Variants in ZNF407 observed in about 807,000 individuals in gnomAD.
ZNF407 encodes zinc finger protein 407.
In ZNF407, 17 loss-of-function variants were observed where a neutral mutation model predicts 131.2. The observed-to-expected ratio is 0.13, with a 90% CI of 0.09 to 0.19. ZNF407 has a LOEUF of 0.19. Ranked by LOEUF, ZNF407 falls within the 10% of genes least tolerant of loss-of-function variation. The pLI is 1.00. For synonymous variants in ZNF407, 1,156 were observed against 1,062.0 expected, an observed-to-expected ratio of 1.09 and a Z score of -1.72; for missense variants, 2,681 against 2,830.6, an observed-to-expected ratio of 0.95 and a Z score of 1.20.
At chr18:74,717,202 A>T (rs1484226959) in intron 3 of ZNF407, among the ~76,000 whole-genome samples, 1 of 152,226 alleles carries the variant, frequency 6.6e-6, no homozygotes, top group Non-Finnish European at 1.5e-5. Flanking sequence ...AAATGACAAT[A>T]AAAGTCAAGT....
At chr18:74,943,446 G>C (rs995365870) in intron 8 of ZNF407, among the ~76,000 whole-genome samples, 2 of 152,142 alleles carry the variant, frequency 1.3e-5, no homozygotes, top group African/African-American at 4.8e-5. Flanking sequence ...TATTTTTGAA[G>C]GGAACTGGAC....
At chr18:74,963,549 A>G (rs80225574) in intron 8 of ZNF407, among the ~76,000 whole-genome samples, 1,642 of 152,062 alleles carry the variant, frequency 0.011, 32 homozygotes, top group African/African-American at 0.037. Context: ...TTTATAAAGA[A>G]CTCTCAGTTT....
At chr18:74,880,939 A>G in intron 5 of ZNF407, 97 bp from the exon 6 acceptor site, 1 of 1,015,708 alleles carries the variant, frequency 9.8e-7, no homozygotes, top group African/African-American at 1.6e-5. Context: ...ACATGGAAAC[A>G]TTTGATTGGA....
At position 74,787,423 on chromosome 18, in the gene ZNF407, A is replaced by G. The variant is rs571241036; in HGVS notation, c.4877+5921A>G. 7.2e-5 allele frequency among the ~76,000 whole-genome samples: 11 copies of G among 152,274 alleles called. No individual in the cohort carries two copies. The East Asian group carries it at 1.5e-3, about 21-fold the overall frequency. The stretch of plus-strand genomic sequence containing the variant: ...TTATTACTAACAATAATATTTTCTA[A>G]CTTCTGCTTCATAAGTTTTGCAGAT... On this transcript the variant is annotated intron_variant, in intron 4 of 8. Transcript: ENST00000299687.
In ZNF407 at chr18:74,668,646, A is replaced by C. The variant is rs1296940043; in HGVS notation, c.4802+27524A>C. Among the ~76,000 whole-genome samples, 8 of 152,172 alleles carry C rather than the reference A, an allele frequency of 5.3e-5. 1 individual carries two copies. The highest frequency in any genetic ancestry group is 1.2e-4 in the Non-Finnish European group (8 of 68,034). ...GGTATTTGTTTAGCACATTTTAAGC[A>C]CCTAGCACTTATTATAGACTTAGAA... On this transcript the variant is annotated intron_variant, in intron 3 of 8. Coordinates refer to ENST00000299687, the MANE Select transcript of ZNF407 (RefSeq NM_017757.3).
rs1969116955 is a variant in ZNF407 at position 74,762,449 on chromosome 18, G to GT, written c.4803-18978dup. On this transcript the variant is annotated intron_variant, in intron 3 of 8. Coordinates refer to ENST00000299687, the MANE Select transcript of ZNF407 (RefSeq NM_017757.3). The stretch of plus-strand genomic sequence containing the variant: ...ACGGAAATCTGTACATATTTGAAAT[G>GT]TATGATTTGATGAATTTTAATACAT... 3.3e-5 allele frequency among the ~76,000 whole-genome samples: 5 copies of GT among 152,148 alleles called. No homozygotes were observed. The South Asian group carries it at 8.3e-4, about 25-fold the overall frequency.
chr18:75,037,179 A>C (rs1164101438), intron 8 of ZNF407, among the ~76,000 whole-genome samples: 2 of 152,348 alleles, frequency 1.3e-5, no homozygotes, highest in Admixed American at 6.5e-5. Flanking sequence ...AGAAAAGTCT[A>C]TATTTAGCCA....
At chr18:74,944,952 G>T (rs375612538) in intron 8 of ZNF407, among the ~76,000 whole-genome samples, 1 of 152,038 alleles carries the variant, frequency 6.6e-6, no homozygotes, top group East Asian at 1.9e-4. Flanking sequence ...TGTTGTTGTT[G>T]ATTTCCACCT....
chr18:75,020,658 A>G lies in ZNF407; in HGVS notation c.5429-42492A>G, dbSNP rs111314033. Among the ~76,000 whole-genome samples, 682 of 152,326 alleles carry G rather than the reference A, an allele frequency of 4.5e-3. 7 individuals carry two copies. The highest frequency in any genetic ancestry group is 0.015 in the African/African-American group (629 of 41,560). ...ATATTAGAGCTATAATCAATTAGAA[A>G]AATACTAATGGGAAAATCCCATTCA... On this transcript the variant is annotated intron_variant, in intron 8 of 8. Transcript: ENST00000299687.
intron 8 of ZNF407, among the ~76,000 whole-genome samples, chr18:74,972,440 C>T (rs188864870): frequency 6.6e-6 from 1 of 152,304 alleles, no homozygotes; most frequent in East Asian, 1.9e-4. Context: ...TTCCTGTCTC[C>T]TTTTAGGCTA....
intron 8 of ZNF407, among the ~76,000 whole-genome samples, chr18:74,966,822 T>A (rs1302579208): frequency 1.3e-5 from 2 of 152,246 alleles, no homozygotes; most frequent in East Asian, 3.8e-4. Context: ...TTTGATGTCC[T>A]CTTCAATTTC....
chr18:74,857,170 G>A (rs1013498089), intron 4 of ZNF407, among the ~76,000 whole-genome samples: 16 of 152,140 alleles, frequency 1.1e-4, no homozygotes, highest in African/African-American at 3.9e-4. Context: ...CAATTACAGC[G>A]TTTCATGTAC....
Position 75,064,309 on chromosome 18 carries a change from G to T in ZNF407, c.6588G>T (p.Ser2196=). 3 of 1,601,350 alleles carry T rather than the reference G, an allele frequency of 1.9e-6. No homozygotes were observed. Among genetic ancestry groups the T allele is most frequent in the Non-Finnish European group, 2.6e-6 (3 of 1,174,908 alleles). ...YSHTVLETAD[S]QELLQAGATL... is the part of the protein sequence containing the mutation. ...ACACCGTGCTGGAGACTGCGGACTC[G>T]CAGGAACTCCTGCAGGCCGGGGCCA... The change falls in exon 9 of 9, where the codon TCG becomes TCT. Residue 2196 remains serine, a synonymous_variant. Transcript: ENST00000299687.
intron 3 of ZNF407, among the ~76,000 whole-genome samples, chr18:74,751,410 A>G (rs972452908): frequency 2.0e-5 from 3 of 152,070 alleles, no homozygotes; most frequent in African/African-American, 7.2e-5. Context: ...TCTAGGGTAC[A>G]TGTGCACAAT....
intron 4 of ZNF407, among the ~76,000 whole-genome samples, chr18:74,850,893 T>G (rs1970773597): frequency 6.6e-6 from 1 of 152,190 alleles, no homozygotes; most frequent in African/African-American, 2.4e-5. Context: ...AGCACCTGGA[T>G]TAGAGAGTGT....
At chr18:74,694,788 A>G (rs1299684585) in intron 3 of ZNF407, among the ~76,000 whole-genome samples, 1 of 152,174 alleles carries the variant, frequency 6.6e-6, no homozygotes, top group African/African-American at 2.4e-5. Flanking sequence ...GGTGGCTTAC[A>G]GTGGGCCCTA....
chr18:74,960,910 C>T (rs1972335082), intron 8 of ZNF407, among the ~76,000 whole-genome samples: 1 of 148,110 alleles, frequency 6.8e-6, no homozygotes, highest in African/African-American at 2.5e-5. Flanking sequence ...TGAGTGTGGA[C>T]TGGGTGAAGG....
At chr18:74,839,027 T>C (rs1475761391) in intron 4 of ZNF407, among the ~76,000 whole-genome samples, 2 of 152,196 alleles carry the variant, frequency 1.3e-5, no homozygotes, top group African/African-American at 4.8e-5. Flanking sequence ...AAAATACATA[T>C]ATCTCTAAAT....
chr18:75,016,833 A>C (rs1261888530), intron 8 of ZNF407, among the ~76,000 whole-genome samples: 2 of 152,152 alleles, frequency 1.3e-5, no homozygotes, highest in Non-Finnish European at 2.9e-5. Context: ...TATATTTATC[A>C]AAGTATGTCA....
Sources: allele counts gnomAD v4.1 joint callset (sites outside exome capture counted in the v4.1 genomes callset), GRCh38; gene constraint gnomAD v4.1.1; transcripts MANE v1.5; gene names NCBI Gene and HGNC (gene_info 2026-07-23, HGNC 2026-07-21).